PKNOX1: variants seen among roughly 807,000 people sequenced by gnomAD.
PKNOX1 encodes homeobox protein PKNOX1.
PKNOX1 carries 15 observed loss-of-function variants against 51.9 expected under a neutral mutation model. That is an observed-to-expected ratio of 0.29 (90% CI 0.19 to 0.45). The LOEUF (loss-of-function observed/expected upper bound fraction) is 0.45, where lower values mean the gene tolerates loss of function less well. Ranked by LOEUF, PKNOX1 falls within the 20% of genes least tolerant of loss-of-function variation. The pLI is 1.00. For missense variants in PKNOX1, 462 were observed against 547.5 expected (o/e 0.84, Z 1.56); for synonymous variants, 219 against 211.1 (o/e 1.04, Z -0.32).
chr21:43,026,997 T>G (rs994681774), intron 9 of PKNOX1, among the ~76,000 whole-genome samples: 3 of 152,102 alleles, frequency 2.0e-5, no homozygotes, highest in Non-Finnish European at 4.4e-5. Flanking sequence ...AGTTCTAGTG[T>G]TGTTGTTTTG....
chr21:42,979,023 C>G (rs1298113535), intron 1 of PKNOX1, among the ~76,000 whole-genome samples: 2 of 152,234 alleles, frequency 1.3e-5, no homozygotes, highest in Non-Finnish European at 2.9e-5. Context: ...CCTCAGCCCC[C>G]TGAGTAACTG....
intron 3 of PKNOX1, among the ~76,000 whole-genome samples, chr21:43,008,029 A>G (rs1490932037): frequency 6.7e-6 from 1 of 148,794 alleles, no homozygotes; most frequent in African/African-American, 2.5e-5. Context: ...GCACCACTGC[A>G]CTCCAGCCTG....
rs545506493 is a variant in PKNOX1 at position 43,029,915 on chromosome 21, C to G, written c.1125C>G (p.Pro375=). Residue 375 remains proline (P), a synonymous_variant, in exon 11 of 11, where the codon CCC becomes CCG. Coordinates refer to ENST00000291547, the MANE Select transcript of PKNOX1 (RefSeq NM_004571.5). ...SEGAVVTITT[P]VNMNVDSLQS... ...GAGCTGTTGTCACCATCACCACGCC[C>G]GTGAACATGAACGTGGACAGCCTTC... is the stretch of plus-strand genomic sequence containing the variant. The G allele has an allele frequency of 3.1e-6, 5 of 1,613,988 alleles. No homozygotes were observed. In the African/African-American group the frequency reaches 5.3e-5, roughly 17 times the overall value.
In PKNOX1 at chr21:43,021,233, C is replaced by G; in HGVS notation, c.721-70C>G. The stretch of plus-strand genomic sequence containing the variant: ...TCCGATCCTTGGCTGTTTTCTCCAC[C>G]TGCAGTTGTAAGTACTTGGATATGT... On this transcript the variant is annotated intron_variant, in intron 7 of 10. Transcript: ENST00000291547. This position sits in a 1 kb window ranked among gnomAD's most constrained non-coding sequence, Gnocchi z 4.6. 1 of 1,286,016 alleles carries G rather than the reference C, an allele frequency of 7.8e-7. No homozygotes were observed. 79.7% of individuals were successfully genotyped at this position (1,286,016 alleles called of 1,614,324 possible).
At position 43,013,217 on chromosome 21, in the gene PKNOX1, G is replaced by C; in HGVS notation, c.501G>C (p.Pro167=). The C allele has an allele frequency of 1.9e-6, 3 of 1,610,844 alleles. No individual in the cohort carries two copies. The highest frequency in any genetic ancestry group is 2.5e-6 in the Non-Finnish European group (3 of 1,178,270). The change falls in exon 5 of 11, where the codon CCG becomes CCC. Residue 167 remains proline (P), a synonymous_variant. Coordinates refer to ENST00000291547, the MANE Select transcript of PKNOX1 (RefSeq NM_004571.5). Reference sequence around the variant, plus strand: ...TGTTGAGTGGAGAGCCTGGAAGCCCGTACTCACCAGTGCAGTCCCAGGTAC... The same window carrying C: ...TGTTGAGTGGAGAGCCTGGAAGCCCCTACTCACCAGTGCAGTCCCAGGTAC... ...ETLLSGEPGS[P]YSPVQSQQIQ... is the part of the protein sequence containing the mutation.
At chr21:42,976,443 T>C (rs2058998073) in intron 1 of PKNOX1, among the ~76,000 whole-genome samples, 1 of 152,184 alleles carries the variant, frequency 6.6e-6, no homozygotes, top group Admixed American at 6.6e-5. Flanking sequence ...ACTGCATTGA[T>C]GGACTCCTCC....
At position 43,031,581 on chromosome 21, in the gene PKNOX1, G is replaced by A. The variant is rs563619400; in HGVS notation, c.*1480G>A. 1 of 152,398 alleles carries A rather than the reference G, an allele frequency of 6.6e-6. No individual in the cohort carries two copies. The highest frequency in any genetic ancestry group is 1.5e-5 in the Non-Finnish European group (1 of 68,052). 9.4% of individuals were successfully genotyped at this position (152,398 alleles called of 1,614,324 possible). ...GCTTTTTCTCAGAAAACAGGCCACG[G>A]TGTTTCATACAGAATGTCTTCATAT... On this transcript the variant is annotated 3_prime_UTR_variant, in exon 11 of 11. Transcript: ENST00000291547.
At chr21:43,002,470 C>T (rs182771200) in intron 1 of PKNOX1, among the ~76,000 whole-genome samples, 58 of 146,082 alleles carry the variant, frequency 4.0e-4, no homozygotes, top group African/African-American at 1.0e-3. Flanking sequence ...CTCCTGTGCC[C>T]TTTGACTGCA....
chr21:43,001,780 G>A (rs2146258248), intron 1 of PKNOX1, among the ~76,000 whole-genome samples: 1 of 152,046 alleles, frequency 6.6e-6, no homozygotes, highest in South Asian at 2.1e-4. Context: ...CTAACATGGT[G>A]AAACCCCGTC....
chr21:42,980,338 CT>C (rs1286515238), intron 1 of PKNOX1, among the ~76,000 whole-genome samples: 1 of 151,690 alleles, frequency 6.6e-6, no homozygotes, highest in East Asian at 1.9e-4. Flanking sequence ...CTCCAGTGCA[CT>C]TCAGGCTGGG....
chr21:43,025,273 A>G (rs551519831), intron 9 of PKNOX1, among the ~76,000 whole-genome samples: 1 of 152,286 alleles, frequency 6.6e-6, no homozygotes, highest in South Asian at 2.1e-4. Context: ...TCAATACCTC[A>G]TTATGGACTG....
chr21:42,984,074 G>A (rs1167137706), intron 1 of PKNOX1, among the ~76,000 whole-genome samples: 4 of 35,208 alleles, frequency 1.1e-4, no homozygotes, highest in Non-Finnish European at 2.0e-4. Context: ...ACGTGTGTGC[G>A]TGTGTGTGCG....
At chr21:42,989,584 A>G (rs2059074948) in intron 1 of PKNOX1, among the ~76,000 whole-genome samples, 2 of 151,858 alleles carry the variant, frequency 1.3e-5, no homozygotes, top group Admixed American at 6.6e-5. Context: ...ACGCCTGGCT[A>G]ATTTTTGCAT....
At chr21:43,001,585 A>G (rs2146257984) in intron 1 of PKNOX1, among the ~76,000 whole-genome samples, 1 of 152,292 alleles carries the variant, frequency 6.6e-6, no homozygotes, top group Middle Eastern at 3.4e-3. Context: ...CCTGAGCTCC[A>G]GACTGTCTTC....
At position 43,028,855 on chromosome 21, in the gene PKNOX1, C is replaced by T. The variant is rs188896357; in HGVS notation, c.1080C>T (p.Ser360=). 3.8e-5 allele frequency: 61 copies of T among 1,614,144 alleles called. No homozygotes were observed. The African/African-American group carries it at 5.9e-4, about 16-fold the overall frequency. The stretch of plus-strand genomic sequence containing the variant: ...CAGGAGTCGCACAGCCACCGCCGAG[C>T]GAGCTCACCATGTCGGAAGGTACAG... ...IASGVAQPPP[S]ELTMSEGAVV... is the part of the protein sequence containing the mutation. The change falls in exon 10 of 11, where the codon AGC becomes AGT. Residue 360 remains serine, a synonymous_variant. Coordinates refer to ENST00000291547, the MANE Select transcript of PKNOX1 (RefSeq NM_004571.5).
chr21:42,978,486 C>CT (rs200084508), intron 1 of PKNOX1, among the ~76,000 whole-genome samples: 3,920 of 124,816 alleles, frequency 0.031, 87 homozygotes, highest in African/African-American at 0.041. Flanking sequence ...CTTTTCTTTT[C>CT]TTTTTTTTTT....
At chr21:43,007,957 G>T (rs1290510837) in intron 3 of PKNOX1, among the ~76,000 whole-genome samples, 1 of 151,866 alleles carries the variant, frequency 6.6e-6, no homozygotes, top group East Asian at 1.9e-4. Context: ...CCAGCTACTT[G>T]GGAGGCTGAG....
chr21:43,013,226 A>C lies in PKNOX1; in HGVS notation c.510A>C (p.Pro170=). The C allele has an allele frequency of 1.1e-5, 17 of 1,602,174 alleles. No homozygotes were observed. The highest frequency in any genetic ancestry group is 1.4e-5 in the Non-Finnish European group (17 of 1,173,406). Residue 170 remains proline, a synonymous_variant, in exon 5 of 11, where the codon CCA becomes CCC. Coordinates refer to ENST00000291547, the MANE Select transcript of PKNOX1 (RefSeq NM_004571.5). ...LSGEPGSPYS[P]VQSQQIQSAI... ...GAGAGCCTGGAAGCCCGTACTCACCAGTGCAGTCCCAGGTACTTACATTTG... is the reference window on the plus strand; with the variant it reads ...GAGAGCCTGGAAGCCCGTACTCACCCGTGCAGTCCCAGGTACTTACATTTG...
intron 1 of PKNOX1, among the ~76,000 whole-genome samples, chr21:42,982,827 C>T (rs1037201578): frequency 1.3e-5 from 2 of 151,654 alleles, no homozygotes; most frequent in Admixed American, 6.6e-5. Context: ...TTTTCCCCCA[C>T]GAAACAGGGG....
Sources: gnomAD v4.1 joint callset for allele counts (sites outside exome capture counted in the v4.1 genomes callset) on GRCh38, gnomAD v4.1.1 for gene constraint, Gnocchi (gnomAD v3.1) non-coding constraint, MANE v1.5 for transcripts, NCBI Gene and HGNC (gene_info 2026-07-23, HGNC 2026-07-21) for gene names.